The following TUBE1 variants were observed in gnomAD, a reference collection of about 807,000 sequenced individuals.
TUBE1 encodes tubulin epsilon 1.
Under a neutral mutation model 53.5 loss-of-function variants are expected in TUBE1, and 34 were observed. The observed-to-expected ratio is 0.64, with a 90% CI of 0.48 to 0.85. The LOEUF is 0.85. Among genes scored for constraint, TUBE1 ranks in the 40% least tolerant of loss-of-function variants. TUBE1 has a pLI of 0.00. For missense variants in TUBE1, 532 were observed against 570.5 expected, an observed-to-expected ratio of 0.93 and a Z score of 0.69; for synonymous variants, 177 against 198.4, an observed-to-expected ratio of 0.89 and a Z score of 0.91.
rs782562723 is a variant in TUBE1, at chr6:112,076,206, G to C, written c.637-94C>G. The C allele has an allele frequency of 8.2e-6, 12 of 1,472,028 alleles. No individual in the cohort carries two copies. In the African/African-American group the frequency reaches 1.4e-4, roughly 17 times the overall value. 91.2% of individuals were successfully genotyped at this position (1,472,028 alleles called of 1,614,324 possible). A position where few individuals can be genotyped will look rare whatever the true frequency, so the allele number is the denominator to read the frequency against. Reference sequence around the variant, plus strand: ...AAGAGAAAGAAAAACAATTTAAACTGATTTTTTCTCTAAGAAGGCTGAAAA... The same window carrying C: ...AAGAGAAAGAAAAACAATTTAAACTCATTTTTTCTCTAAGAAGGCTGAAAA... On this transcript the variant is annotated intron_variant, in intron 7 of 11. Coordinates refer to ENST00000368662, the MANE Select transcript of TUBE1 (RefSeq NM_016262.5).
chr6:112,087,193 T>A, intron 2 of TUBE1, 40 bp downstream of exon 2: 1 of 1,536,974 alleles, frequency 6.5e-7, no homozygotes, highest in Non-Finnish European at 8.8e-7. Context: ...CTGGAAGACC[T>A]AGCTGACAGG....
intron 4 of TUBE1, among the ~76,000 whole-genome samples, chr6:112,081,603 A>G (rs587727371): frequency 6.6e-6 from 1 of 152,218 alleles, no homozygotes; most frequent in East Asian, 1.9e-4. Context: ...ACCACAGCTC[A>G]AAACTGTCCA....
In TUBE1 at chr6:112,072,150, A is replaced by G. The variant is rs587687098; in HGVS notation, c.1095-74T>C. The G allele has an allele frequency of 5.1e-5, 58 of 1,144,684 alleles. No individual in the cohort carries two copies. In the Admixed American group the frequency reaches 1.3e-3, roughly 27 times the overall value. The allele number at this position is 1,144,684 out of a possible 1,614,324, so 70.9% of individuals were successfully genotyped here. ...AATGTCTGCCATATAATGGCAGCTC[A>G]TATTAGTTAAACCAGAACATTATGG... On this transcript the variant is annotated intron_variant, in intron 10 of 11. Transcript: ENST00000368662.
intron 4 of TUBE1, among the ~76,000 whole-genome samples, chr6:112,083,320 AT>A (rs587770144): frequency 0.054 from 7,109 of 131,370 alleles, 380 homozygotes; most frequent in African/African-American, 0.16. Context: ...CTTCCATAAC[AT>A]TTTTTTTTTT....
intron 6 of TUBE1, among the ~76,000 whole-genome samples, chr6:112,078,955 T>C (rs1554316381): frequency 6.6e-6 from 1 of 152,110 alleles, no homozygotes; most frequent in African/African-American, 2.4e-5. Context: ...TTTTGTTCTT[T>C]TAAAATTTGC....
intron 3 of TUBE1, chr6:112,085,676 T>C (rs1210739304): frequency 2.1e-6 from 1 of 471,592 alleles, no homozygotes; most frequent in Non-Finnish European, 4.4e-6. Flanking sequence ...GTAACTAACT[T>C]CCTTTGGTCT....
intron 10 of TUBE1, among the ~76,000 whole-genome samples, chr6:112,072,309 A>C (rs1332588191): frequency 6.6e-5 from 10 of 152,164 alleles, no homozygotes; most frequent in Admixed American, 6.5e-4. Flanking sequence ...GTTGTGATTC[A>C]AGAAGCTAGA....
At chr6:112,086,305 T>C (rs1304321783) in intron 3 of TUBE1, among the ~76,000 whole-genome samples, 1 of 152,208 alleles carries the variant, frequency 6.6e-6, no homozygotes, top group Admixed American at 6.5e-5. Context: ...TCTGGGAAAA[T>C]TTCAGCTTTC....
At chr6:112,086,820 AAGAAAGGAT>A (rs1304771770) in intron 2 of TUBE1, 1 of 534,796 alleles carries the variant, frequency 1.9e-6, no homozygotes, top group East Asian at 3.1e-5. Context: ...GGGGGTGCTA[AAGAAAGGAT>A]TTCACCCATA....
rs1554317521 is a variant in TUBE1 at position 112,087,304 on chromosome 6, C to A, written c.28G>T (p.Gly10Cys). 1 of 1,552,342 alleles carries A rather than the reference C, an allele frequency of 6.4e-7. No individual in the cohort carries two copies. Among genetic ancestry groups the A allele is most frequent in the South Asian group, 1.2e-5 (1 of 84,092 alleles). Residue 10 changes from glycine to cysteine, a missense_variant and splice_region_variant, in exon 2 of 12, where the codon GGC becomes TGC. Gly to Cys is a radical substitution (Grantham distance 159, BLOSUM62 -3). Coordinates refer to ENST00000368662, the MANE Select transcript of TUBE1 (RefSeq NM_016262.5). Reference protein sequence around the residue: MTQSVVVQVGQCGNQIGCCF... With the variant: MTQSVVVQVCQCGNQIGCCF... ...CAGCCGATCTGGTTTCCGCACTGGC[C>A]GACTGCGACCGGAGGAGAGGAAGGA... is the stretch of plus-strand genomic sequence containing the variant.
intron 6 of TUBE1, chr6:112,077,064 C>G (rs1171850784): frequency 6.6e-6 from 1 of 152,112 alleles, no homozygotes; most frequent in Non-Finnish European, 1.5e-5. Flanking sequence ...TATAATGCCA[C>G]AAGAACCAAT....
In TUBE1 at chr6:112,084,232, C is replaced by T. The variant is rs1777114828; in HGVS notation, c.167G>A (p.Gly56Asp). The T allele has an allele frequency of 6.2e-7, 1 of 1,613,224 alleles. No individual in the cohort carries two copies. The highest frequency in any genetic ancestry group is 8.5e-7 in the Non-Finnish European group (1 of 1,179,292). ...TATTTTTCCCTTGGAAATACTTCCACCATCACCAACCACTCTGAAAGATAA... is the reference window on the plus strand; with the variant it reads ...TATTTTTCCCTTGGAAATACTTCCATCATCACCAACCACTCTGAAAGATAA... Reference protein sequence around the residue: ...RNVDTRVVGDGGSISKGKICS... With the variant: ...RNVDTRVVGDDGSISKGKICS... The change falls in exon 4 of 12, where the codon GGT becomes GAT. Residue 56 changes from glycine to aspartate, a missense_variant. Transcript: ENST00000368662.
At chr6:112,078,134 T>C (rs1228114224) in intron 6 of TUBE1, 1 of 151,710 alleles carries the variant, frequency 6.6e-6, no homozygotes, top group African/African-American at 2.4e-5. Flanking sequence ...CTCATACACA[T>C]TGTTGCCAGT....
intron 9 of TUBE1, among the ~76,000 whole-genome samples, chr6:112,073,757 A>G (rs1776907475): frequency 6.6e-6 from 1 of 152,230 alleles, no homozygotes; most frequent in South Asian, 2.1e-4. Context: ...TTTTCTTTAA[A>G]AACTTTTAAA....
At chr6:112,081,061 G>T in intron 5 of TUBE1, 31 bp downstream of exon 5, 1 of 1,304,714 alleles carries the variant, frequency 7.7e-7, no homozygotes, top group Non-Finnish European at 1.1e-6. Flanking sequence ...TTTTTCAGAA[G>T]ATATTCAATT....
chr6:112,074,636 A>C lies in TUBE1; in HGVS notation c.953+74T>G, dbSNP rs587727727. 2.5e-6 allele frequency: 3 copies of C among 1,222,294 alleles called. No homozygotes were observed. In the African/African-American group the frequency reaches 4.7e-5, roughly 19 times the overall value. 75.7% of individuals were successfully genotyped at this position (1,222,294 alleles called of 1,614,324 possible). On this transcript the variant is annotated intron_variant, in intron 9 of 11. Coordinates refer to ENST00000368662, the MANE Select transcript of TUBE1 (RefSeq NM_016262.5). The stretch of plus-strand genomic sequence containing the variant: ...ACAATTAAATAACTAGAGTTATTGC[A>C]AACTTTTTTCTCTTAAAAATGTTTT...
chr6:112,075,695 A>G (rs1776952677), intron 8 of TUBE1: 3 of 326,142 alleles, frequency 9.2e-6, no homozygotes, highest in Non-Finnish European at 1.6e-5. Flanking sequence ...CAAGTGTGTC[A>G]ACCACAAAAT....
In TUBE1 at chr6:112,076,263, C is replaced by T. The variant is rs1776966243; in HGVS notation, c.636+59G>A. The T allele has an allele frequency of 2.2e-5, 33 of 1,482,938 alleles. No homozygotes were observed. The South Asian group carries it at 4.3e-4, about 19-fold the overall frequency. 91.9% of individuals were successfully genotyped at this position (1,482,938 alleles called of 1,614,324 possible). A position where few individuals can be genotyped will look rare whatever the true frequency, so the allele number is the denominator to read the frequency against. ...AGAACGTTTCATATAAACACACATA[C>T]ATAATACAGGACTGAATATATATAA... On this transcript the variant is annotated intron_variant, in intron 7 of 11. Transcript: ENST00000368662.
intron 4 of TUBE1, 52 bp from the exon 5 acceptor site, chr6:112,081,259 A>C (rs1554316738): frequency 2.9e-6 from 3 of 1,018,238 alleles, no homozygotes; most frequent in East Asian, 2.6e-5. Flanking sequence ...AGAGTTATTC[A>C]CTCTGTAAAT....
Sources: allele counts gnomAD v4.1 joint callset (sites outside exome capture counted in the v4.1 genomes callset), GRCh38; gene constraint gnomAD v4.1.1; transcripts MANE v1.5; gene names NCBI Gene and HGNC (gene_info 2026-07-23, HGNC 2026-07-21).